The following GRK5 variants were observed in gnomAD, a reference collection of about 807,000 sequenced individuals.
GRK5 encodes g protein-coupled receptor kinase GRK5.
GRK5 carries 40 observed loss-of-function variants against 78.4 expected under a neutral mutation model. The observed-to-expected ratio is 0.51, with a 90% CI of 0.40 to 0.66. The LOEUF (loss-of-function observed/expected upper bound fraction) is 0.66, where lower values mean the gene tolerates loss of function less well. GRK5 is among the 30% of genes least tolerant of loss of function. GRK5 has a pLI of 0.00. For synonymous variants in GRK5, 289 were observed against 296.8 expected, an observed-to-expected ratio of 0.97 and a Z score of 0.27; for missense variants, 598 against 759.9, an observed-to-expected ratio of 0.79 and a Z score of 2.50.
chr10:119,223,954 GC>G (rs1476347406), intron 1 of GRK5, among the ~76,000 whole-genome samples: 4 of 152,108 alleles, frequency 2.6e-5, no homozygotes, highest in African/African-American at 9.6e-5. Flanking sequence ...GCCTGAGGGG[GC>G]CCTTCTAATA....
intron 1 of GRK5, among the ~76,000 whole-genome samples, chr10:119,316,209 A>G (rs758156640): frequency 6.6e-6 from 1 of 152,200 alleles, no homozygotes; most frequent in Non-Finnish European, 1.5e-5. Flanking sequence ...TGCCCTCTCC[A>G]TACAAGGACC....
intron 4 of GRK5, among the ~76,000 whole-genome samples, chr10:119,407,014 A>G (rs1404206538): frequency 1.3e-5 from 2 of 152,248 alleles, no homozygotes; most frequent in African/African-American, 4.8e-5. Flanking sequence ...ATGGGCGCCC[A>G]GGGAAATCTC....
intron 4 of GRK5, among the ~76,000 whole-genome samples, chr10:119,407,555 G>A (rs748854021): frequency 8.5e-5 from 13 of 152,274 alleles, no homozygotes; most frequent in Non-Finnish European, 1.6e-4. Flanking sequence ...AACTCTCTGG[G>A]TTTTAGTGGA....
At chr10:119,388,682 A>G (rs1851837720) in intron 3 of GRK5, among the ~76,000 whole-genome samples, 1 of 152,058 alleles carries the variant, frequency 6.6e-6, no homozygotes, top group African/African-American at 2.4e-5. Context: ...ACAACAGTCA[A>G]CCTTTATTAG....
In GRK5 at chr10:119,452,402, A is replaced by G; in HGVS notation, c.1405-269A>G. 2.4e-6 allele frequency: 1 copy of G among 424,454 alleles called. No homozygotes were observed. Among genetic ancestry groups the G allele is most frequent in the Non-Finnish European group, 4.3e-6 (1 of 233,484 alleles). 26.3% of individuals were successfully genotyped at this position (424,454 alleles called of 1,614,324 possible). A position where few individuals can be genotyped will look rare whatever the true frequency, so the allele number is the denominator to read the frequency against. On this transcript the variant is annotated intron_variant, in intron 13 of 15. Transcript: ENST00000392870. This position sits in a 1 kb window ranked among gnomAD's most constrained non-coding sequence, Gnocchi z 4.4. ...AGGGTCCCCGTCATGGATCTGAGAG[A>G]GGGCTGCACTGTCATCTGGAGGGGT...
At chr10:119,409,658 GAGGTGAGGGGCAGGTTCTCTTGA>G (rs1336177546) in intron 4 of GRK5, among the ~76,000 whole-genome samples, 8 of 152,182 alleles carry the variant, frequency 5.3e-5, no homozygotes, top group Non-Finnish European at 8.8e-5. Flanking sequence ...TCACGTGGCT[GAGGTGAGGGGCAGGTTCTCTTGA>G]ATTTCCTGGC....
intron 1 of GRK5, among the ~76,000 whole-genome samples, chr10:119,249,882 T>C: frequency 6.6e-6 from 1 of 152,250 alleles, no homozygotes; most frequent in East Asian, 1.9e-4. Flanking sequence ...TTTGTGCACG[T>C]GTGCAAGGAT....
At chr10:119,454,895 C>A in intron 15 of GRK5, 74 bp from the exon 16 acceptor site, 1 of 976,248 alleles carries the variant, frequency 1.0e-6, no homozygotes, top group Non-Finnish European at 1.6e-6. Flanking sequence ...GCAGAGGCAG[C>A]CCCGACCCAT....
chr10:119,210,494 G>C (rs1011926303), intron 1 of GRK5, among the ~76,000 whole-genome samples: 1 of 151,986 alleles, frequency 6.6e-6, no homozygotes, highest in African/African-American at 2.4e-5. Flanking sequence ...TCATATATTT[G>C]AATTTATTTT....
At chr10:119,283,375 T>A (rs970160705) in intron 1 of GRK5, among the ~76,000 whole-genome samples, 1 of 152,118 alleles carries the variant, frequency 6.6e-6, no homozygotes, top group African/African-American at 2.4e-5. Flanking sequence ...TGAAAATGAA[T>A]CCACACCCCA....
At chr10:119,327,279 G>A (rs1057476121) in intron 2 of GRK5, among the ~76,000 whole-genome samples, 1 of 152,186 alleles carries the variant, frequency 6.6e-6, no homozygotes, top group African/African-American at 2.4e-5. Flanking sequence ...CGCAGGACAC[G>A]GCTGTGGTGA....
chr10:119,452,334 G>A lies in GRK5; in HGVS notation c.1405-337G>A, dbSNP rs1203336770. 9.8e-6 allele frequency: 3 copies of A among 305,382 alleles called. No individual in the cohort carries two copies. Among genetic ancestry groups the A allele is most frequent in the Non-Finnish European group, 1.9e-5 (3 of 159,946 alleles). 18.9% of individuals were successfully genotyped at this position (305,382 alleles called of 1,614,324 possible). On this transcript the variant is annotated intron_variant, in intron 13 of 15. Transcript: ENST00000392870. The surrounding 1 kb of genome is among the most constrained non-coding windows in gnomAD (Gnocchi z 4.4). ...GGAGTGATGGCAGGAATGAGCCCTG[G>A]GCTGGGCACCCAGGTGCCCCGAGCT...
In GRK5 at chr10:119,336,979, A is replaced by G. The variant is rs7894773; in HGVS notation, c.148+10368A>G. On this transcript the variant is annotated intron_variant, in intron 2 of 15. Coordinates refer to ENST00000392870, the MANE Select transcript of GRK5 (RefSeq NM_005308.3). This position sits in a 1 kb window ranked among gnomAD's most constrained non-coding sequence, Gnocchi z 4.5. ...AAAGAGAAGGCACGAGCTCAGGCACATGCAAGATGCCCAGCGATACTGTCC... is the reference window on the plus strand; with the variant it reads ...AAAGAGAAGGCACGAGCTCAGGCACGTGCAAGATGCCCAGCGATACTGTCC... 0.061 allele frequency among the ~76,000 whole-genome samples: 9,343 copies of G among 152,190 alleles called. 475 individuals are homozygous for G. The highest frequency in any genetic ancestry group is 0.14 in the African/African-American group (5,766 of 41,492).
intron 1 of GRK5, among the ~76,000 whole-genome samples, chr10:119,277,434 G>C (rs1048773131): frequency 6.6e-6 from 1 of 152,060 alleles, no homozygotes; most frequent in African/African-American, 2.4e-5. Context: ...CATGCATTCT[G>C]TACCTGCTCC....
chr10:119,216,530 C>T (rs376941353), intron 1 of GRK5, among the ~76,000 whole-genome samples: 2 of 152,148 alleles, frequency 1.3e-5, no homozygotes, highest in Admixed American at 6.5e-5. Context: ...GAGTCAGGGC[C>T]GGGTGCAGTG....
intron 1 of GRK5, among the ~76,000 whole-genome samples, chr10:119,266,433 A>G (rs1431943113): frequency 6.6e-6 from 1 of 152,058 alleles, no homozygotes; most frequent in Non-Finnish European, 1.5e-5. Flanking sequence ...GCTGCACTCC[A>G]GCCTGGGCAA....
chr10:119,390,586 T>C (rs1851873901), intron 3 of GRK5, among the ~76,000 whole-genome samples: 1 of 152,114 alleles, frequency 6.6e-6, no homozygotes, highest in South Asian at 2.1e-4. Flanking sequence ...TCCCAGCTAC[T>C]TGGGAGGCTG....
chr10:119,349,715 C>T (rs967371493), intron 2 of GRK5, among the ~76,000 whole-genome samples: 3 of 152,178 alleles, frequency 2.0e-5, no homozygotes, highest in African/African-American at 7.2e-5. Flanking sequence ...CAGCTTTTTT[C>T]CCAGCTAAGT....
chr10:119,361,971 A>G (rs1250005933), intron 2 of GRK5, among the ~76,000 whole-genome samples: 1 of 12,204 alleles, frequency 8.2e-5, no homozygotes, highest in Non-Finnish European at 1.7e-4. Context: ...AAAAAAAAAA[A>G]AAAAAAAAAA....
Sources: allele counts gnomAD v4.1 joint callset (sites outside exome capture counted in the v4.1 genomes callset), GRCh38; gene constraint gnomAD v4.1.1; non-coding constraint Gnocchi (gnomAD v3.1); transcripts MANE v1.5; gene names NCBI Gene and HGNC (gene_info 2026-07-23, HGNC 2026-07-21).